IDE: variants seen among roughly 807,000 people sequenced by gnomAD.
IDE encodes the protein insulin-degrading enzyme.
A neutral mutation model predicts 133.2 loss-of-function variants in IDE; 58 were observed. That is an observed-to-expected ratio of 0.44 (90% CI 0.35 to 0.54). IDE has a LOEUF of 0.54. Among genes scored for constraint, IDE ranks in the 20% least tolerant of loss-of-function variants. The pLI, the probability that IDE is intolerant of heterozygous loss-of-function variation, is 0.00. For synonymous variants in IDE, 396 were observed against 421.3 expected (o/e 0.94, Z 0.73); for missense variants, 981 against 1,234.0 (o/e 0.79, Z 3.07).
intron 1 of IDE, among the ~76,000 whole-genome samples, chr10:92,539,053 G>GA (rs1256061680): frequency 2.0e-5 from 3 of 151,724 alleles, no homozygotes; most frequent in Admixed American, 6.6e-5. Flanking sequence ...ATTGAGAGAG[G>GA]AAAAAAAATC....
In IDE at chr10:92,454,595, C is replaced by T. The variant is rs1844894269; in HGVS notation, c.2965-56G>A. ...TTTAACCTAAACATCAGAATAAGGA[C>T]ATCAACTTTTTTTGGCGGACACTGG... On this transcript the variant is annotated intron_variant, in intron 24 of 24. Coordinates refer to ENST00000265986, the MANE Select transcript of IDE (RefSeq NM_004969.4). The T allele has an allele frequency of 1.1e-5, 14 of 1,321,826 alleles. No homozygotes were observed. In the South Asian group the frequency reaches 1.7e-4, roughly 16 times the overall value. The allele number at this position is 1,321,826 out of a possible 1,614,324, so 81.9% of individuals were successfully genotyped here.
chr10:92,518,416 A>C (rs1849041878), intron 4 of IDE, among the ~76,000 whole-genome samples: 1 of 152,238 alleles, frequency 6.6e-6, no homozygotes, highest in Non-Finnish European at 1.5e-5. Context: ...ACTATTACTT[A>C]ACAAAAATGT....
intron 18 of IDE, 128 bp downstream of exon 18, chr10:92,470,126 C>T (rs1845887540): frequency 1.7e-6 from 1 of 576,696 alleles, no homozygotes; most frequent in Non-Finnish European, 3.0e-6. Flanking sequence ...CTCCACAGAG[C>T]AAGAGGGTTG....
chr10:92,544,718 T>C (rs941205625), intron 1 of IDE, among the ~76,000 whole-genome samples: 14 of 152,226 alleles, frequency 9.2e-5, no homozygotes, highest in African/African-American at 3.4e-4. Flanking sequence ...AAGGAAAGTT[T>C]TCAGTTTTTC....
chr10:92,505,515 A>G (rs905283074), intron 10 of IDE, among the ~76,000 whole-genome samples: 1 of 152,240 alleles, frequency 6.6e-6, no homozygotes, highest in Non-Finnish European at 1.5e-5. Flanking sequence ...CACTATGGAT[A>G]CAAAAGTAGG....
rs952547629 is a variant in IDE at position 92,537,129 on chromosome 10, A to C, written c.283+237T>G. On this transcript the variant is annotated intron_variant, in intron 2 of 24. Coordinates refer to ENST00000265986, the MANE Select transcript of IDE (RefSeq NM_004969.4). Reference sequence around the variant, plus strand: ...ACTGTTACTGTAAAGAATGGCAATGAATTTTTGCTGCTAGGTCACCTTAGG... The same window carrying C: ...ACTGTTACTGTAAAGAATGGCAATGCATTTTTGCTGCTAGGTCACCTTAGG... 5.9e-5 allele frequency among the ~76,000 whole-genome samples: 9 copies of C among 152,226 alleles called. No individual in the cohort carries two copies. In the South Asian group the frequency reaches 8.3e-4, roughly 14 times the overall value.
intron 11 of IDE, among the ~76,000 whole-genome samples, chr10:92,495,478 C>T (rs773399732): frequency 1.3e-5 from 2 of 151,994 alleles, no homozygotes; most frequent in Non-Finnish European, 2.9e-5. Flanking sequence ...CTCGGCCTCC[C>T]AAAGTGCTGG....
chr10:92,538,032 C>A (rs540032679), intron 1 of IDE, among the ~76,000 whole-genome samples: 5 of 152,082 alleles, frequency 3.3e-5, no homozygotes, highest in African/African-American at 1.2e-4. Flanking sequence ...AACACCACAC[C>A]CAGTTAATTT....
At chr10:92,569,034 C>T (rs1324490892) in intron 1 of IDE, among the ~76,000 whole-genome samples, 1 of 151,754 alleles carries the variant, frequency 6.6e-6, no homozygotes, top group Non-Finnish European at 1.5e-5. Flanking sequence ...ATATAAACAT[C>T]AAATAGATGT....
intron 17 of IDE, among the ~76,000 whole-genome samples, chr10:92,473,705 T>A (rs766248649): frequency 1.8e-4 from 28 of 151,560 alleles, no homozygotes; most frequent in Non-Finnish European, 3.2e-4. Flanking sequence ...TATTGGCCGG[T>A]CGCGGTGGCT....
chr10:92,464,129 A>C (rs574637360), intron 20 of IDE, 126 bp from the exon 21 acceptor site: 2 of 905,986 alleles, frequency 2.2e-6, no homozygotes, highest in South Asian at 3.5e-5. Context: ...TTCACCTCTT[A>C]AAGAAATATG....
intron 1 of IDE, among the ~76,000 whole-genome samples, chr10:92,561,109 T>C (rs11187069): frequency 0.17 from 25,092 of 150,636 alleles, 2,438 homozygotes; most frequent in Middle Eastern, 0.22. Flanking sequence ...ATACAAACAT[T>C]AGCGGGCACG....
intron 1 of IDE, among the ~76,000 whole-genome samples, chr10:92,549,235 C>G (rs897713508): frequency 2.7e-5 from 4 of 149,828 alleles, no homozygotes; most frequent in African/African-American, 9.8e-5. Flanking sequence ...CCAGCCTGGG[C>G]AACAGAGTGA....
chr10:92,573,488 A>T (rs1176426851), intron 1 of IDE, among the ~76,000 whole-genome samples: 1 of 152,212 alleles, frequency 6.6e-6, no homozygotes, highest in Non-Finnish European at 1.5e-5. Context: ...GCAAGGTGAG[A>T]AGCGGTCCCC....
At chr10:92,504,993 C>A (rs1405788019) in intron 10 of IDE, 96 bp from the exon 11 acceptor site, 2 of 594,410 alleles carry the variant, frequency 3.4e-6, no homozygotes, top group South Asian at 2.5e-5. Context: ...TTACTGTACA[C>A]CCTTTCTCTC....
At chr10:92,546,887 C>T (rs576523329) in intron 1 of IDE, among the ~76,000 whole-genome samples, 3 of 152,140 alleles carry the variant, frequency 2.0e-5, no homozygotes, top group Non-Finnish European at 1.5e-5. Flanking sequence ...CAACAATTTT[C>T]AATATTTATA....
At position 92,506,540 on chromosome 10, in the gene IDE, TC is replaced by T; in HGVS notation, c.1246-19del. 7.8e-7 allele frequency: 1 copy of T among 1,283,474 alleles called. No individual in the cohort carries two copies. Among genetic ancestry groups the T allele is most frequent in the Non-Finnish European group, 1.1e-6 (1 of 885,060 alleles). The allele number at this position is 1,283,474 out of a possible 1,614,324, so 79.5% of individuals were successfully genotyped here. On this transcript the variant is annotated intron_variant, in intron 9 of 24. Transcript: ENST00000265986. ...TTCAAGTCCTAAAATAGAAAGTTAATCCAATTAGATACGGCCACCCTTATTT... is the reference window on the plus strand; with the variant it reads ...TTCAAGTCCTAAAATAGAAAGTTAATCAATTAGATACGGCCACCCTTATTT...
chr10:92,562,288 G>A (rs938846352), intron 1 of IDE, among the ~76,000 whole-genome samples: 1 of 152,200 alleles, frequency 6.6e-6, no homozygotes. Flanking sequence ...ATCAAGTGAG[G>A]AGTTAGTGAT....
chr10:92,556,454 C>G (rs1163856810), intron 1 of IDE, among the ~76,000 whole-genome samples: 6 of 151,986 alleles, frequency 3.9e-5, no homozygotes. Flanking sequence ...GAAACCCTGT[C>G]TCTACAAAAA....
Sources: gnomAD v4.1 joint callset for allele counts (sites outside exome capture counted in the v4.1 genomes callset) on GRCh38, gnomAD v4.1.1 for gene constraint, MANE v1.5 for transcripts, NCBI Gene and HGNC (gene_info 2026-07-23, HGNC 2026-07-21) for gene names.